SLC35F3: variants seen among roughly 807,000 people sequenced by gnomAD.
SLC35F3 encodes the protein solute carrier family 35 member F3, also known as putative thiamine transporter SLC35F3.
SLC35F3 carries 25 observed loss-of-function variants against 49.9 expected under a neutral mutation model. The observed-to-expected ratio is 0.50, with a 90% CI of 0.37 to 0.70. The LOEUF (loss-of-function observed/expected upper bound fraction) is 0.70, where lower values mean the gene tolerates loss of function less well. Ranked by LOEUF, SLC35F3 falls within the 30% of genes least tolerant of loss-of-function variation. The pLI, the probability that SLC35F3 is intolerant of heterozygous loss-of-function variation, is 0.00. For missense variants in SLC35F3, 525 were observed against 639.8 expected, an observed-to-expected ratio of 0.82 and a Z score of 1.94; for synonymous variants, 275 against 265.4, an observed-to-expected ratio of 1.04 and a Z score of -0.35.
At chr1:234,223,837 T>C (rs1667244742) in intron 2 of SLC35F3, among the ~76,000 whole-genome samples, 1 of 152,192 alleles carries the variant, frequency 6.6e-6, no homozygotes, top group Non-Finnish European at 1.5e-5. Flanking sequence ...GCTGGAAATC[T>C]GAAATCAAGG....
At chr1:234,152,120 A>C (rs993781009) in intron 2 of SLC35F3, among the ~76,000 whole-genome samples, 5 of 150,588 alleles carry the variant, frequency 3.3e-5, no homozygotes, top group Non-Finnish European at 5.9e-5. Flanking sequence ...TTTATTTGAC[A>C]CATAGGAAAA....
intron 2 of SLC35F3, among the ~76,000 whole-genome samples, chr1:234,139,951 T>TAATAAAATTAA (rs1665868384): frequency 2.2e-5 from 2 of 90,584 alleles, no homozygotes; most frequent in African/African-American, 4.0e-5. Context: ...CATCTCAAAA[T>TAATAAAATTAA]AATAAAATAA....
chr1:234,167,506 CT>C (rs1186310499), intron 2 of SLC35F3, among the ~76,000 whole-genome samples: 1 of 152,174 alleles, frequency 6.6e-6, no homozygotes, highest in Admixed American at 6.5e-5. Flanking sequence ...AATGGAGCTA[CT>C]GTATTTTGAT....
intron 2 of SLC35F3, among the ~76,000 whole-genome samples, chr1:233,986,934 T>G (rs1663274119): frequency 6.6e-6 from 1 of 152,204 alleles, no homozygotes; most frequent in South Asian, 2.1e-4. Context: ...ACCTCATTTT[T>G]TCTTTTTGTA....
intron 7 of SLC35F3, among the ~76,000 whole-genome samples, chr1:234,322,041 TAAC>T (rs1657634305): frequency 6.8e-6 from 1 of 146,488 alleles, no homozygotes; most frequent in Admixed American, 6.8e-5. Context: ...ATAATAATAA[TAAC>T]AAAAATTAGC....
intron 2 of SLC35F3, among the ~76,000 whole-genome samples, chr1:234,215,502 C>T (rs1364290904): frequency 6.6e-6 from 1 of 152,194 alleles, no homozygotes; most frequent in Non-Finnish European, 1.5e-5. Context: ...CAGACCATCC[C>T]CTGGGTCCCA....
At chr1:234,025,276 A>G (rs766828174) in intron 2 of SLC35F3, among the ~76,000 whole-genome samples, 4 of 152,226 alleles carry the variant, frequency 2.6e-5, no homozygotes, top group Non-Finnish European at 5.9e-5. Context: ...GCTGCAAGGA[A>G]CTTATAAGTG....
chr1:234,205,386 G>A (rs759834988), intron 2 of SLC35F3, among the ~76,000 whole-genome samples: 9 of 152,196 alleles, frequency 5.9e-5, no homozygotes, highest in South Asian at 2.1e-4. Flanking sequence ...GCTTGAACCC[G>A]AGAGGCAGAG....
At chr1:234,031,767 T>TGTCACAACTGTGTCCATTTCAAG (rs1572026062) in intron 2 of SLC35F3, among the ~76,000 whole-genome samples, 1 of 152,230 alleles carries the variant, frequency 6.6e-6, no homozygotes, top group East Asian at 1.9e-4. Context: ...AATTGGCTTT[T>TGTCACAACTGTGTCCATTTCAAG]GTCACAACTG....
intron 2 of SLC35F3, among the ~76,000 whole-genome samples, chr1:234,092,468 T>C (rs1665057889): frequency 6.6e-6 from 1 of 152,174 alleles, no homozygotes. Context: ...ACTGTATTGT[T>C]ACAGAAATGG....
intron 2 of SLC35F3, among the ~76,000 whole-genome samples, chr1:234,057,308 A>G (rs950085609): frequency 2.0e-5 from 3 of 152,132 alleles, no homozygotes; most frequent in Non-Finnish European, 4.4e-5. Context: ...ATCCTTTTTC[A>G]TTCATTTAAA....
chr1:233,954,944 A>G (rs1014448442), intron 2 of SLC35F3, among the ~76,000 whole-genome samples: 28 of 152,080 alleles, frequency 1.8e-4, no homozygotes, highest in Non-Finnish European at 1.0e-4. Flanking sequence ...CCCGGGTTCC[A>G]GCGATTCTCG....
intron 2 of SLC35F3, among the ~76,000 whole-genome samples, chr1:234,091,786 C>G (rs1665047498): frequency 6.6e-6 from 1 of 152,218 alleles, no homozygotes; most frequent in Non-Finnish European, 1.5e-5. Flanking sequence ...CTGCACCTCT[C>G]TGTGTCTATC....
chr1:234,034,668 G>A (rs1664113725), intron 2 of SLC35F3, among the ~76,000 whole-genome samples: 1 of 151,976 alleles, frequency 6.6e-6, no homozygotes, highest in Non-Finnish European at 1.5e-5. Flanking sequence ...TTATAGGCAC[G>A]TGCCACCACA....
At chr1:234,233,905 G>A (rs2102952556) in intron 3 of SLC35F3, among the ~76,000 whole-genome samples, 1 of 152,258 alleles carries the variant, frequency 6.6e-6, no homozygotes, top group African/African-American at 2.4e-5. Flanking sequence ...TAGCCCCGTG[G>A]CTAGGCAGAG....
At chr1:233,961,455 CTTT>C (rs35494872) in intron 2 of SLC35F3, among the ~76,000 whole-genome samples, 33 of 130,446 alleles carry the variant, frequency 2.5e-4, no homozygotes, top group African/African-American at 9.1e-4. Flanking sequence ...TTTTTCCTCT[CTTT>C]TTTTTTTTTT....
At chr1:234,284,908 C>T in intron 3 of SLC35F3, 1 of 161,444 alleles carries the variant, frequency 6.2e-6, no homozygotes, top group Non-Finnish European at 1.3e-5. Flanking sequence ...AGAATGGTTC[C>T]AAACGGAATG....
intron 6 of SLC35F3, among the ~76,000 whole-genome samples, 199 bp downstream of exon 6, chr1:234,319,142 A>C (rs1657557673): frequency 6.6e-6 from 1 of 152,226 alleles, no homozygotes; most frequent in Admixed American, 6.5e-5. Flanking sequence ...GAATCAGTGC[A>C]GTAGTCGCAG....
intron 1 of SLC35F3, 120 bp from the exon 2 acceptor site, chr1:233,905,409 C>T (rs926437921): frequency 2.6e-4 from 207 of 809,338 alleles, no homozygotes; most frequent in Middle Eastern, 1.9e-3. Flanking sequence ...GCGGCGCTCG[C>T]CCCCGGAGGG....
Sources: allele counts gnomAD v4.1 joint callset (sites outside exome capture counted in the v4.1 genomes callset), GRCh38; gene constraint gnomAD v4.1.1; transcripts MANE v1.5; gene names NCBI Gene and HGNC (gene_info 2026-07-23, HGNC 2026-07-21).